Variants in BACH1 observed in about 807,000 individuals in gnomAD.
BACH1 encodes BTB domain and CNC homolog 1.
BACH1 carries 35 observed loss-of-function variants against 52.9 expected under a neutral mutation model. The observed-to-expected ratio is 0.66, with a 90% CI of 0.51 to 0.88. BACH1 has a LOEUF of 0.88. Ranked by LOEUF, BACH1 falls within the 40% of genes least tolerant of loss-of-function variation. BACH1 has a pLI of 0.00. For missense variants in BACH1, 808 were observed against 872.6 expected (o/e 0.93, Z 0.93); for synonymous variants, 321 against 319.6 (o/e 1.00, Z -0.05).
rs551422873 is a variant in BACH1, at chr21:29,319,349, G to A, written c.-60-1872G>A. The stretch of plus-strand genomic sequence containing the variant: ...TCCCAGAGAAGCAGGCATGGCACGG[G>A]ATTAAGAGAATACATTACAGATTGT... On this transcript the variant is annotated intron_variant, in intron 1 of 4. Transcript: ENST00000286800. 4.6e-5 allele frequency among the ~76,000 whole-genome samples: 7 copies of A among 152,212 alleles called. No individual in the cohort carries two copies. In the East Asian group the frequency reaches 1.2e-3, roughly 25 times the overall value.
intron 1 of BACH1, among the ~76,000 whole-genome samples, chr21:29,317,476 G>A (rs951544608): frequency 1.3e-5 from 2 of 152,214 alleles, no homozygotes; most frequent in Admixed American, 1.3e-4. Flanking sequence ...CACAGTGTAT[G>A]TGGAGGCCCT....
At position 29,342,758 on chromosome 21, in the gene BACH1, G is replaced by A. The variant is rs768969111; in HGVS notation, c.2136G>A (p.Ala712=). ...STATSEQAGP[A]EQCRQSGGIS... is the part of the protein sequence containing the mutation. The stretch of plus-strand genomic sequence containing the variant: ...CCACCTCTGAGCAAGCTGGGCCTGC[G>A]GAACAGTGTCGTCAGAGTGGTGGGA... The change falls in exon 5 of 5, where the codon GCG becomes GCA. Residue 712 remains alanine (A), a synonymous_variant. Coordinates refer to ENST00000286800, the MANE Select transcript of BACH1 (RefSeq NM_001186.4). The A allele has an allele frequency of 1.7e-5, 27 of 1,613,864 alleles. No homozygotes were observed. The highest frequency in any genetic ancestry group is 5.5e-5 in the South Asian group (5 of 91,084).
At chr21:29,351,685 A>G in intron 2 of BACH1, 1 of 534,562 alleles carries the variant, frequency 1.9e-6, no homozygotes, top group South Asian at 1.4e-5. Flanking sequence ...CATTCTGAGA[A>G]CTCTGGATAC....
chr21:29,353,743 C>T (rs775697488), intron 2 of BACH1, among the ~76,000 whole-genome samples: 25 of 152,120 alleles, frequency 1.6e-4, no homozygotes, highest in Non-Finnish European at 4.4e-5. Flanking sequence ...TGACATGAGT[C>T]ACCTAGAGTT....
At chr21:29,325,643 A>G (rs1035582758) in intron 2 of BACH1, among the ~76,000 whole-genome samples, 3 of 152,182 alleles carry the variant, frequency 2.0e-5, no homozygotes, top group African/African-American at 7.2e-5. Flanking sequence ...TGTAGCTTGT[A>G]GCAGTTGGAG....
At chr21:29,351,541 CTG>C (rs2089201997) in intron 2 of BACH1, 1 of 498,584 alleles carries the variant, frequency 2.0e-6, no homozygotes, top group Admixed American at 2.2e-5. Context: ...TTTTTAAGCA[CTG>C]TGTTTTCATC....
At chr21:29,325,974 T>A in intron 2 of BACH1, 85 bp from the exon 3 acceptor site, 1 of 1,243,410 alleles carries the variant, frequency 8.0e-7, no homozygotes, top group Non-Finnish European at 1.1e-6. Context: ...GTTACATATC[T>A]CTCTATTCCT....
rs552811617 is a variant in BACH1, at chr21:29,322,459, G to T, written c.234+945G>T. Among the ~76,000 whole-genome samples the T allele has an allele frequency of 2.0e-5, 3 of 152,276 alleles. No individual in the cohort carries two copies. The East Asian group carries it at 5.8e-4, about 29-fold the overall frequency. Reference sequence around the variant, plus strand: ...GGAGCTCAGGCTAACAAATATTTGGGTCCTTGTTAATGTCCTGCCTTTCAG... The same window carrying T: ...GGAGCTCAGGCTAACAAATATTTGGTTCCTTGTTAATGTCCTGCCTTTCAG... On this transcript the variant is annotated intron_variant, in intron 2 of 4. Coordinates refer to ENST00000286800, the MANE Select transcript of BACH1 (RefSeq NM_001186.4).
chr21:29,323,367 C>G (rs987590052), intron 2 of BACH1, among the ~76,000 whole-genome samples: 4 of 152,136 alleles, frequency 2.6e-5, no homozygotes, highest in African/African-American at 9.7e-5. Context: ...CACTGTAGAG[C>G]CTTCAGTCTG....
intron 1 of BACH1, among the ~76,000 whole-genome samples, chr21:29,319,142 G>A (rs1347444096): frequency 6.6e-6 from 1 of 152,216 alleles, no homozygotes; most frequent in African/African-American, 2.4e-5. Flanking sequence ...ACTCTATCTA[G>A]CACTTAGCTC....
At position 29,326,308 on chromosome 21, in the gene BACH1, C is replaced by G. The variant is rs763778317; in HGVS notation, c.484C>G (p.Gln162Glu). 6.2e-7 allele frequency: 1 copy of G among 1,614,148 alleles called. No individual in the cohort carries two copies. The highest frequency in any genetic ancestry group is 8.5e-7 in the Non-Finnish European group (1 of 1,180,010). The part of the protein sequence containing the change: ...KTDLKLSLLD[Q>E]RDLETDEVEE... The stretch of plus-strand genomic sequence containing the variant: ...AGACCTTAAACTTTCACTTTTGGAC[C>G]AGAGGGATCTAGAAACTGATGAAGT... Residue 162 changes from glutamine (Q) to glutamate (E), a missense_variant, in exon 3 of 5, where the codon CAG becomes GAG. Coordinates refer to ENST00000286800, the MANE Select transcript of BACH1 (RefSeq NM_001186.4).
At chr21:29,318,071 C>T (rs1157214651) in intron 1 of BACH1, among the ~76,000 whole-genome samples, 1 of 151,642 alleles carries the variant, frequency 6.6e-6, no homozygotes, top group Non-Finnish European at 1.5e-5. Flanking sequence ...TTGAGTGGAT[C>T]GCAACTGGGA....
Position 29,345,771 on chromosome 21 carries a change from TA to T in BACH1, c.*2942del. 1 of 152,778 alleles carries T rather than the reference TA, an allele frequency of 6.5e-6. No homozygotes were observed. Among genetic ancestry groups the T allele is most frequent in the East Asian group, 1.9e-4 (1 of 5,184 alleles). The allele number at this position is 152,778 out of a possible 1,614,324, so 9.5% of individuals were successfully genotyped here. ...TTCTCAGGTGAACTTTTTTCAGTTA[TA>T]AAACATCTATTTTGAATCTGTAAAT... On this transcript the variant is annotated 3_prime_UTR_variant, in exon 5 of 5. Coordinates refer to ENST00000286800, the MANE Select transcript of BACH1 (RefSeq NM_001186.4).
rs182173092 is a variant in BACH1 at position 29,340,821 on chromosome 21, G to A, written c.1777-1578G>A. ...GGTTCCTACTGTGAACAAGCAGTAG[G>A]TACCGTTCTTGCCCTTTCAGTATCT... is the stretch of plus-strand genomic sequence containing the variant. On this transcript the variant is annotated intron_variant, in intron 4 of 4. Transcript: ENST00000286800. Among the ~76,000 whole-genome samples, 10 of 152,210 alleles carry A rather than the reference G, an allele frequency of 6.6e-5. 1 individual carries two copies. The East Asian group carries it at 1.7e-3, about 26-fold the overall frequency.
At position 29,326,443 on chromosome 21, in the gene BACH1, T is replaced by C; in HGVS notation, c.619T>C (p.Tyr207His). 6.2e-7 allele frequency: 1 copy of C among 1,614,204 alleles called. No homozygotes were observed. Among genetic ancestry groups the C allele is most frequent in the South Asian group, 1.1e-5 (1 of 91,088 alleles). Reference sequence around the variant, plus strand: ...TCTACAAGACAGTGCCAGTCAGACATATGAGTCCATGTGCTTAGAGAAGGA... The same window carrying C: ...TCTACAAGACAGTGCCAGTCAGACACATGAGTCCATGTGCTTAGAGAAGGA... ...PPLQDSASQT[Y>H]ESMCLEKDAA... Residue 207 changes from tyrosine (Y) to histidine (H), a missense_variant, in exon 3 of 5, where the codon TAT (tyrosine) becomes CAT (histidine). Transcript: ENST00000286800.
intron 2 of BACH1, among the ~76,000 whole-genome samples, chr21:29,357,134 A>G (rs981274061): frequency 3.3e-5 from 5 of 152,206 alleles, no homozygotes; most frequent in African/African-American, 1.2e-4. Context: ...TGCTATCTGT[A>G]TACACATTTA....
intron 1 of BACH1, among the ~76,000 whole-genome samples, chr21:29,305,881 A>G (rs1275308096): frequency 6.6e-6 from 1 of 152,248 alleles, no homozygotes; most frequent in Non-Finnish European, 1.5e-5. Flanking sequence ...TTTATAAGCC[A>G]GGAACTTTTC....
intron 1 of BACH1, among the ~76,000 whole-genome samples, chr21:29,305,666 A>AGG (rs1463118834): frequency 1.3e-5 from 2 of 152,078 alleles, no homozygotes; most frequent in East Asian, 3.9e-4. Flanking sequence ...GTGAGGAAAA[A>AGG]CTGTGTTTTT....
chr21:29,302,383 C>T (rs1332201025), intron 1 of BACH1, among the ~76,000 whole-genome samples: 1 of 152,216 alleles, frequency 6.6e-6, no homozygotes, highest in Admixed American at 6.5e-5. Flanking sequence ...ACCTGGCTTA[C>T]ACAGTGCACT....
Sources: allele counts gnomAD v4.1 joint callset (sites outside exome capture counted in the v4.1 genomes callset), GRCh38; gene constraint gnomAD v4.1.1; transcripts MANE v1.5; gene names NCBI Gene and HGNC (gene_info 2026-07-23, HGNC 2026-07-21).